The following WDR33 variants were observed in gnomAD, a reference collection of about 807,000 sequenced individuals.
WDR33 encodes pre-mRNA 3' end processing protein WDR33.
Under a neutral mutation model 164.9 loss-of-function variants are expected in WDR33, and 47 were observed. The ratio of observed to expected loss-of-function variants is 0.29; its 90% CI spans 0.23 to 0.36. The LOEUF (loss-of-function observed/expected upper bound fraction) is 0.36. Among genes scored for constraint, WDR33 ranks in the 10% least tolerant of loss-of-function variants. The pLI is 1.00. For missense variants in WDR33, 1,137 were observed against 1,754.1 expected (o/e 0.65, Z 6.28); for synonymous variants, 505 against 589.0 (o/e 0.86, Z 2.06).
intron 5 of WDR33, 60 bp downstream of exon 5, chr2:127,765,114 T>G (rs1318205398): frequency 6.4e-7 from 1 of 1,567,574 alleles, no homozygotes; most frequent in Non-Finnish European, 8.7e-7. Context: ...ATGAAATGAC[T>G]ATATCTCAAG....
In WDR33 at chr2:127,770,782, A is replaced by G; in HGVS notation, c.200T>C (p.Leu67Ser). ...IDYNPSVIKY[L>S]ENRIWQRDQR... is the part of the protein sequence containing the mutation. ...AAGCACATAAATCAGGCTTACCTCC[A>G]AATACTTAATTACAGATGGATTGTA... Residue 67 changes from leucine (L) to serine (S), a missense_variant, in exon 2 of 22, where the codon TTG becomes TCG. Coordinates refer to ENST00000322313, the MANE Select transcript of WDR33 (RefSeq NM_018383.5). The surrounding 1 kb of genome is among the most constrained non-coding windows in gnomAD (Gnocchi z 4.9). The G allele has an allele frequency of 6.2e-7, 1 of 1,613,334 alleles. No homozygotes were observed. Among genetic ancestry groups the G allele is most frequent in the Non-Finnish European group, 8.5e-7 (1 of 1,179,554 alleles).
At position 127,701,052 on chromosome 2, in the gene WDR33, T is replaced by G. The variant is rs901628067; in HGVS notation, c.*5271A>C. On this transcript the variant is annotated 3_prime_UTR_variant, in exon 22 of 22. Coordinates refer to ENST00000322313, the MANE Select transcript of WDR33 (RefSeq NM_018383.5). ...TTTTTTAAAAATTAAATTTTTATTT[T>G]GAGATCACTGTTTGTGTTCAGTTGT... 2.6e-5 allele frequency: 4 copies of G among 152,614 alleles called. No individual in the cohort carries two copies. The highest frequency in any genetic ancestry group is 2.6e-4 in the Admixed American group (4 of 15,296). 9.5% of individuals were successfully genotyped at this position (152,614 alleles called of 1,614,324 possible).
intron 7 of WDR33, among the ~76,000 whole-genome samples, chr2:127,733,205 A>G (rs1686753376): frequency 6.6e-6 from 1 of 152,132 alleles, no homozygotes. Flanking sequence ...CCTGACAACA[A>G]AAAAAAGGAA....
At chr2:127,795,596 C>T (rs190262020) in intron 1 of WDR33, among the ~76,000 whole-genome samples, 27 of 150,376 alleles carry the variant, frequency 1.8e-4, no homozygotes, top group African/African-American at 6.1e-4. Flanking sequence ...ATAGGATACA[C>T]AAACATACAA....
At chr2:127,768,494 A>G (rs964509850) in intron 3 of WDR33, among the ~76,000 whole-genome samples, 2 of 152,218 alleles carry the variant, frequency 1.3e-5, no homozygotes, top group Non-Finnish European at 2.9e-5. Context: ...TTAAATACCC[A>G]TTATTACTAA....
Position 127,770,844 on chromosome 2 carries a change from T to C in WDR33, c.138A>G (p.Lys46=). The part of the protein sequence containing the change: ...QAMQQLTFDG[K]RMRKAVNRKT... ...TTCGGTTCACAGCTTTTCTCATTCG[T>C]TTTCCATCAAAAGTAAGCTGTTGCA... Residue 46 remains lysine (K), a synonymous_variant, in exon 2 of 22, where the codon AAA becomes AAG. Transcript: ENST00000322313. This position sits in a 1 kb window ranked among gnomAD's most constrained non-coding sequence, Gnocchi z 4.9. 1 of 1,614,114 alleles carries C rather than the reference T, an allele frequency of 6.2e-7. No homozygotes were observed. Among genetic ancestry groups the C allele is most frequent in the Non-Finnish European group, 8.5e-7 (1 of 1,180,010 alleles).
At position 127,712,549 on chromosome 2, in the gene WDR33, T is replaced by C; in HGVS notation, c.3308+1034A>G. Among the ~76,000 whole-genome samples, 1 of 152,232 alleles carries C rather than the reference T, an allele frequency of 6.6e-6. No homozygotes were observed. Among genetic ancestry groups the C allele is most frequent in the East Asian group, 1.9e-4 (1 of 5,202 alleles). On this transcript the variant is annotated intron_variant, in intron 18 of 21. Transcript: ENST00000322313. The surrounding 1 kb of genome is among the most constrained non-coding windows in gnomAD (Gnocchi z 4.0). Reference sequence around the variant, plus strand: ...GCCAGACCTCGGAAAGTCAAGACACTGCTCTTATTCTGTCTGAATCAGCAT... The same window carrying C: ...GCCAGACCTCGGAAAGTCAAGACACCGCTCTTATTCTGTCTGAATCAGCAT...
At chr2:127,752,772 C>T (rs1341071788) in intron 7 of WDR33, among the ~76,000 whole-genome samples, 1 of 152,110 alleles carries the variant, frequency 6.6e-6, no homozygotes, top group East Asian at 1.9e-4. Context: ...AAATGTTGGA[C>T]ATGGTGCTAA....
intron 1 of WDR33, chr2:127,798,791 T>C (rs1689134602): frequency 6.6e-6 from 1 of 152,018 alleles, no homozygotes; most frequent in Admixed American, 6.6e-5. Context: ...AATTCACCAA[T>C]GAAACCTGTC....
At chr2:127,751,865 C>T (rs1299506295) in intron 7 of WDR33, among the ~76,000 whole-genome samples, 2 of 152,144 alleles carry the variant, frequency 1.3e-5, no homozygotes, top group African/African-American at 4.8e-5. Flanking sequence ...CCCACATCTG[C>T]TATGTCACAG....
At chr2:127,804,470 A>G (rs1324765022) in intron 1 of WDR33, among the ~76,000 whole-genome samples, 1 of 152,218 alleles carries the variant, frequency 6.6e-6, no homozygotes, top group East Asian at 1.9e-4. Context: ...TATTGCGGGT[A>G]CTTAACTTGT....
At chr2:127,771,582 G>C (rs1371556236) in intron 1 of WDR33, among the ~76,000 whole-genome samples, 1 of 152,086 alleles carries the variant, frequency 6.6e-6, no homozygotes, top group Non-Finnish European at 1.5e-5. Context: ...TTTAAGATCA[G>C]GCTGGGGAAC....
chr2:127,726,522 G>T lies in WDR33; in HGVS notation c.851+129C>A. The T allele has an allele frequency of 8.0e-7, 1 of 1,245,054 alleles. No homozygotes were observed. The highest frequency in any genetic ancestry group is 1.6e-5 in the South Asian group (1 of 64,234). The allele number at this position is 1,245,054 out of a possible 1,614,324, so 77.1% of individuals were successfully genotyped here. ...ATATTTAATTCATAAGAAGTCTATA[G>T]ATCCAAGTCCATCTGTTGCCTAAAT... On this transcript the variant is annotated intron_variant, in intron 8 of 21. Coordinates refer to ENST00000322313, the MANE Select transcript of WDR33 (RefSeq NM_018383.5). The surrounding 1 kb of genome is among the most constrained non-coding windows in gnomAD (Gnocchi z 4.8).
chr2:127,731,268 C>A (rs1175369036), intron 7 of WDR33, among the ~76,000 whole-genome samples: 1 of 133,150 alleles, frequency 7.5e-6, no homozygotes, highest in Admixed American at 8.5e-5. Context: ...GCACTCCAGC[C>A]TGGGCAACAG....
At chr2:127,715,091 T>TC (rs1233552799) in intron 17 of WDR33, among the ~76,000 whole-genome samples, 1 of 105,892 alleles carries the variant, frequency 9.4e-6, no homozygotes, top group Non-Finnish European at 2.0e-5. Context: ...TTTGTTTCTT[T>TC]TTTTTTTTTT....
At chr2:127,779,911 A>T (rs1299643527) in intron 1 of WDR33, among the ~76,000 whole-genome samples, 6 of 152,188 alleles carry the variant, frequency 3.9e-5, no homozygotes, top group Non-Finnish European at 8.8e-5. Context: ...AAAGCAAATT[A>T]TTGATGCATT....
At chr2:127,783,895 CG>C (rs1688466078) in intron 1 of WDR33, among the ~76,000 whole-genome samples, 1 of 151,682 alleles carries the variant, frequency 6.6e-6, no homozygotes, top group Non-Finnish European at 1.5e-5. Context: ...AGTGAGCCAC[CG>C]CACCTGGCCA....
At chr2:127,795,659 A>C (rs1210425555) in intron 1 of WDR33, among the ~76,000 whole-genome samples, 1 of 87,814 alleles carries the variant, frequency 1.1e-5, no homozygotes, top group East Asian at 3.1e-4. Context: ...CCTTTCTATA[A>C]AAAAAAAAAA....
At chr2:127,729,427 T>G (rs1411403651) in intron 7 of WDR33, among the ~76,000 whole-genome samples, 1 of 151,980 alleles carries the variant, frequency 6.6e-6, no homozygotes, top group Non-Finnish European at 1.5e-5. Context: ...TATTTGCTTC[T>G]CTATACATAA....
Sources: allele counts gnomAD v4.1 joint callset (sites outside exome capture counted in the v4.1 genomes callset), GRCh38; gene constraint gnomAD v4.1.1; non-coding constraint Gnocchi (gnomAD v3.1); transcripts MANE v1.5; gene names NCBI Gene and HGNC (gene_info 2026-07-23, HGNC 2026-07-21).